The following SCP2 variants were observed in gnomAD, a reference collection of about 807,000 sequenced individuals.
SCP2 encodes the protein SCP-2/3-oxoacyl-CoA thiolase.
SCP2 carries 48 observed loss-of-function variants against 71.4 expected under a neutral mutation model. That is an observed-to-expected ratio of 0.67 (90% confidence interval 0.53 to 0.86). The LOEUF (loss-of-function observed/expected upper bound fraction) is 0.86. Ranked by LOEUF, SCP2 falls within the 40% of genes least tolerant of loss-of-function variation. SCP2 has a pLI of 0.00. For synonymous variants in SCP2, 220 were observed against 218.1 expected (o/e 1.01, Z -0.08); for missense variants, 560 against 655.6 (o/e 0.85, Z 1.59).
At chr1:52,998,556 C>A (rs1660091543) in intron 11 of SCP2, among the ~76,000 whole-genome samples, 1 of 152,166 alleles carries the variant, frequency 6.6e-6, no homozygotes, top group Admixed American at 6.5e-5. Context: ...CATGGTGAAA[C>A]CCCATCTCTA....
At chr1:53,024,577 CTT>C (rs551484573) in intron 12 of SCP2, among the ~76,000 whole-genome samples, 2 of 119,026 alleles carry the variant, frequency 1.7e-5, no homozygotes, top group East Asian at 2.5e-4. Context: ...CTTTTTTTTT[CTT>C]TTTTTTTTTG....
intron 11 of SCP2, chr1:52,993,699 A>G: frequency 6.2e-7 from 1 of 1,611,964 alleles, no homozygotes; most frequent in Non-Finnish European, 8.5e-7. Context: ...GTTACAAAAT[A>G]GGACTCCCAA....
chr1:52,970,869 G>A (rs999910155), intron 6 of SCP2, among the ~76,000 whole-genome samples: 13 of 147,626 alleles, frequency 8.8e-5, no homozygotes, highest in African/African-American at 3.3e-4. Context: ...TTTGAAATTT[G>A]GCATTTTCTA....
chr1:52,950,987 AAGTC>A, intron 4 of SCP2, 101 bp downstream of exon 4: 1 of 1,393,656 alleles, frequency 7.2e-7, no homozygotes, highest in South Asian at 1.2e-5. Flanking sequence ...TGTTTTAAAA[AAGTC>A]TTCATCAGGC....
At chr1:53,041,019 G>A (rs1663385558) in intron 14 of SCP2, among the ~76,000 whole-genome samples, 1 of 152,130 alleles carries the variant, frequency 6.6e-6, no homozygotes, top group South Asian at 2.1e-4. Flanking sequence ...AGTGGTAGCT[G>A]TACTGTACTG....
At chr1:53,048,267 G>A (rs1335421460) in intron 15 of SCP2, 1 of 358,156 alleles carries the variant, frequency 2.8e-6, no homozygotes, top group Admixed American at 3.7e-5. Flanking sequence ...GGCCATCAGG[G>A]AGAGCACCAC....
intron 6 of SCP2, among the ~76,000 whole-genome samples, chr1:52,971,858 G>A (rs532349807): frequency 3.2e-4 from 48 of 152,332 alleles, no homozygotes; most frequent in African/African-American, 1.1e-3. Context: ...ACACAGAAAG[G>A]TGGAGGAAGT....
chr1:53,015,844 T>G (rs1196100689), intron 12 of SCP2, among the ~76,000 whole-genome samples: 7 of 152,200 alleles, frequency 4.6e-5, no homozygotes, highest in Admixed American at 4.6e-4. Flanking sequence ...ACCACTGAGG[T>G]CAGTGTCAGG....
At chr1:53,040,590 G>C (rs905715148) in intron 14 of SCP2, among the ~76,000 whole-genome samples, 1 of 151,948 alleles carries the variant, frequency 6.6e-6, no homozygotes, top group Non-Finnish European at 1.5e-5. Context: ...GCGTAGTGGC[G>C]GGCACGTGTA....
chr1:52,973,531 T>A (rs1199072562), intron 6 of SCP2, among the ~76,000 whole-genome samples: 2 of 152,192 alleles, frequency 1.3e-5, no homozygotes, highest in Non-Finnish European at 2.9e-5. Flanking sequence ...AACACATAAT[T>A]TGACTTGTCT....
chr1:52,979,056 G>GCCC (rs1658235295), intron 9 of SCP2, among the ~76,000 whole-genome samples: 1 of 152,210 alleles, frequency 6.6e-6, no homozygotes, highest in African/African-American at 2.4e-5. Context: ...ACAACACTGT[G>GCCC]AACTGGAAAA....
chr1:52,940,962 C>G (rs1654178073), intron 1 of SCP2, among the ~76,000 whole-genome samples: 1 of 152,154 alleles, frequency 6.6e-6, no homozygotes, highest in Admixed American at 6.5e-5. Flanking sequence ...GTTGGCCAGG[C>G]TGGTCTTGAA....
intron 11 of SCP2, chr1:52,993,743 G>T: frequency 1.2e-6 from 2 of 1,604,958 alleles, no homozygotes; most frequent in South Asian, 2.2e-5. Flanking sequence ...TATGATTGAA[G>T]ACTCCTGCAT....
At chr1:52,951,693 A>G (rs1269341533) in intron 4 of SCP2, among the ~76,000 whole-genome samples, 1 of 151,820 alleles carries the variant, frequency 6.6e-6, no homozygotes, top group African/African-American at 2.4e-5. Flanking sequence ...ACAGAATTGT[A>G]TACCTATCAC....
intron 1 of SCP2, among the ~76,000 whole-genome samples, chr1:52,935,537 C>T (rs188085635): frequency 1.3e-3 from 198 of 148,230 alleles, no homozygotes; most frequent in African/African-American, 3.5e-3. Flanking sequence ...TTGCATTGAG[C>T]TGAGATTGTG....
At chr1:53,022,770 G>A (rs913349576) in intron 12 of SCP2, among the ~76,000 whole-genome samples, 1 of 152,160 alleles carries the variant, frequency 6.6e-6, no homozygotes, top group African/African-American at 2.4e-5. Flanking sequence ...GCTGAGTGCG[G>A]TGCTTCTGTT....
Position 52,927,340 on chromosome 1 carries a change from C to T in SCP2, c.-57C>T, listed in dbSNP as rs140752743. ...TCAGGGAGCTCTGGTGCAGTCTCCG[C>T]CTGTCAGTGCCGGCAGTCGTCCGCG... On this transcript the variant is annotated 5_prime_UTR_variant, in exon 1 of 16. Transcript: ENST00000371514. The T allele has an allele frequency of 0.012, 16,671 of 1,438,006 alleles. 371 individuals carry two copies. Among genetic ancestry groups the T allele is most frequent in the African/African-American group, 0.09 (6,397 of 71,186 alleles). 89.1% of individuals were successfully genotyped at this position (1,438,006 alleles called of 1,614,324 possible).
intron 12 of SCP2, among the ~76,000 whole-genome samples, chr1:53,020,487 C>T (rs1381863443): frequency 6.6e-6 from 1 of 151,942 alleles, no homozygotes; most frequent in Non-Finnish European, 1.5e-5. Flanking sequence ...TTTATAGAGA[C>T]AGGGTTTTGC....
Position 52,948,089 on chromosome 1 carries a change from T to TA in SCP2, c.199+12dup, listed in dbSNP as rs1284736035. On this transcript the variant is annotated intron_variant, in intron 3 of 15. Coordinates refer to ENST00000371514, the MANE Select transcript of SCP2 (RefSeq NM_002979.5). ...TGTTGGCTATGTTTTTGGTATGTATTAAACTGTGTATTCTAAAATTTTTTT... is the reference window on the plus strand; with the variant it reads ...TGTTGGCTATGTTTTTGGTATGTATTAAAACTGTGTATTCTAAAATTTTTTT... 4.4e-6 allele frequency: 7 copies of TA among 1,578,846 alleles called. No individual in the cohort carries two copies. The highest frequency in any genetic ancestry group is 6.1e-6 in the Non-Finnish European group (7 of 1,148,072).
Sources: allele counts gnomAD v4.1 joint callset (sites outside exome capture counted in the v4.1 genomes callset), GRCh38; gene constraint gnomAD v4.1.1; transcripts MANE v1.5; gene names NCBI Gene and HGNC (gene_info 2026-07-23, HGNC 2026-07-21).